The following CEP89 variants were observed in gnomAD, a reference collection of about 807,000 sequenced individuals.
CEP89 encodes centrosomal protein 89, also known as centrosomal protein of 89 kDa.
A neutral mutation model predicts 97.6 loss-of-function variants in CEP89; 95 were observed. The observed-to-expected ratio is 0.97, with a 90% confidence interval of 0.82 to 1.15. The LOEUF is 1.15. Among genes scored for constraint, CEP89 ranks in the 50% most tolerant of loss-of-function variants. CEP89 has a pLI of 0.00. For missense variants in CEP89, 869 were observed against 947.7 expected, an observed-to-expected ratio of 0.92 and a Z score of 1.09; for synonymous variants, 354 against 349.1, an observed-to-expected ratio of 1.01 and a Z score of -0.16.
chr19:32,915,572 A>T, intron 13 of CEP89, 55 bp from the exon 14 acceptor site: 14 of 1,448,110 alleles, frequency 9.7e-6, no homozygotes, highest in Non-Finnish European at 1.3e-5. Context: ...CACAAAACAC[A>T]ATTATGGGCT....
rs2145934331 is a variant in CEP89, at chr19:32,936,041, C to A, written c.667+1590G>T. Among the ~76,000 whole-genome samples, 1 of 152,262 alleles carries A rather than the reference C, an allele frequency of 6.6e-6. No homozygotes were observed. The highest frequency in any genetic ancestry group is 1.9e-4 in the East Asian group (1 of 5,172). ...AGCTCATGGGGTGCTGCTACAGTTGCCCTCCCATGTGTAGGACCTGGGTGT... is the reference window on the plus strand; with the variant it reads ...AGCTCATGGGGTGCTGCTACAGTTGACCTCCCATGTGTAGGACCTGGGTGT... On this transcript the variant is annotated intron_variant, in intron 7 of 18. Coordinates refer to ENST00000305768, the MANE Select transcript of CEP89 (RefSeq NM_032816.5). The surrounding 1 kb of genome is among the most constrained non-coding windows in gnomAD (Gnocchi z 4.5).
chr19:32,942,555 A>G (rs1332605084), intron 5 of CEP89, among the ~76,000 whole-genome samples: 1 of 152,228 alleles, frequency 6.6e-6, no homozygotes, highest in South Asian at 2.1e-4. Context: ...TATCTTAGTC[A>G]TGAACTTTTC....
chr19:32,971,801 A>G, intron 1 of CEP89, 35 bp downstream of exon 1: 10 of 1,578,708 alleles, frequency 6.3e-6, no homozygotes, highest in Non-Finnish European at 7.7e-6. Flanking sequence ...CCGGCCCCAC[A>G]GAGCCCCACG....
At chr19:32,964,629 C>A (rs911902433) in intron 2 of CEP89, among the ~76,000 whole-genome samples, 1 of 152,142 alleles carries the variant, frequency 6.6e-6, no homozygotes, top group Non-Finnish European at 1.5e-5. Context: ...TTTCGGAACA[C>A]GCGTTAATCA....
At chr19:32,948,472 G>A (rs1970844658) in intron 4 of CEP89, 104 bp from the exon 5 acceptor site, 1 of 629,174 alleles carries the variant, frequency 1.6e-6, no homozygotes, top group Non-Finnish European at 2.7e-6. Flanking sequence ...CTTCCCCACT[G>A]GGAGCTTCCT....
intron 16 of CEP89, among the ~76,000 whole-genome samples, chr19:32,892,353 G>A (rs1969547876): frequency 6.7e-6 from 1 of 150,238 alleles, no homozygotes; most frequent in African/African-American, 2.4e-5. Flanking sequence ...GCCCAGGCTG[G>A]AGTGCAGTGG....
At chr19:32,896,927 C>T (rs1969656211) in intron 16 of CEP89, among the ~76,000 whole-genome samples, 1 of 152,024 alleles carries the variant, frequency 6.6e-6, no homozygotes, top group African/African-American at 2.4e-5. Flanking sequence ...AAATGCTCAA[C>T]ACCACAAATC....
chr19:32,894,446 T>C lies in CEP89; in HGVS notation c.1875+5411A>G, dbSNP rs117868732. The stretch of plus-strand genomic sequence containing the variant: ...AAGAACAAAAATCCCTTAATCGTAA[T>C]GTAGCTTCCCCAATCTCCAGCCAAT... On this transcript the variant is annotated intron_variant, in intron 16 of 18. Transcript: ENST00000305768. Among the ~76,000 whole-genome samples, 14 of 152,256 alleles carry C rather than the reference T, an allele frequency of 9.2e-5. No homozygotes were observed. In the East Asian group the frequency reaches 2.7e-3, roughly 29 times the overall value.
chr19:32,921,179 G>A (rs570169106), intron 12 of CEP89, among the ~76,000 whole-genome samples: 7 of 151,028 alleles, frequency 4.6e-5, no homozygotes, highest in East Asian at 2.0e-4. Context: ...TCGAGATCGC[G>A]CCACTGCACT....
At chr19:32,955,752 G>T (rs1033109211) in intron 3 of CEP89, among the ~76,000 whole-genome samples, 2 of 152,120 alleles carry the variant, frequency 1.3e-5, no homozygotes, top group African/African-American at 2.4e-5. Context: ...GACCTCAAGT[G>T]ATACGCCCGC....
chr19:32,944,646 G>C (rs780709076), intron 5 of CEP89, among the ~76,000 whole-genome samples: 2 of 151,948 alleles, frequency 1.3e-5, no homozygotes, highest in Non-Finnish European at 1.5e-5. Context: ...CTGTTAAGGA[G>C]AAGAAGGAGG....
At chr19:32,933,733 A>C in intron 7 of CEP89, 64 bp from the exon 8 acceptor site, 1 of 1,115,206 alleles carries the variant, frequency 9.0e-7, no homozygotes, top group South Asian at 1.3e-5. Flanking sequence ...CATCAAAATC[A>C]ACTGACTTTG....
chr19:32,886,744 A>T (rs764536037), intron 17 of CEP89, among the ~76,000 whole-genome samples: 1 of 150,916 alleles, frequency 6.6e-6, no homozygotes, highest in Non-Finnish European at 1.5e-5. Flanking sequence ...AAAATTAGAA[A>T]AAAAGAAAGA....
rs147837636 is a variant in CEP89, at chr19:32,920,220, T to C, written c.1269-1881A>G. ...GCCCAGCTAATTTTTAATTGTTTTG[T>C]TTTTGTTTTTGTTTTTTTGAGACAA... On this transcript the variant is annotated intron_variant, in intron 12 of 18. Transcript: ENST00000305768. Among the ~76,000 whole-genome samples the C allele has an allele frequency of 2.7e-3, 416 of 151,986 alleles. 2 individuals carry two copies. The highest frequency in any genetic ancestry group is 9.7e-3 in the African/African-American group (402 of 41,486).
At chr19:32,913,281 T>G (rs1264607056) in intron 14 of CEP89, among the ~76,000 whole-genome samples, 1 of 123,954 alleles carries the variant, frequency 8.1e-6, no homozygotes, top group South Asian at 2.9e-4. Flanking sequence ...CATGAGAAAA[T>G]AGCCACCATA....
At chr19:32,902,704 A>G (rs995284836) in intron 14 of CEP89, among the ~76,000 whole-genome samples, 2 of 152,214 alleles carry the variant, frequency 1.3e-5, no homozygotes, top group African/African-American at 2.4e-5. Context: ...AGGAAGGTCA[A>G]GGCAGCTGGA....
intron 14 of CEP89, among the ~76,000 whole-genome samples, chr19:32,905,915 T>C (rs1466905599): frequency 6.6e-6 from 1 of 152,182 alleles, no homozygotes; most frequent in East Asian, 1.9e-4. Context: ...AGACAAGGTC[T>C]CCCTATGTTA....
At chr19:32,971,426 A>G (rs565211824) in intron 1 of CEP89, 742 of 447,646 alleles carry the variant, frequency 1.7e-3, no homozygotes, top group Non-Finnish European at 2.5e-3. Context: ...CGCCTGTGAT[A>G]CCAACACTTT....
chr19:32,943,483 G>C (rs1441800543), intron 5 of CEP89, among the ~76,000 whole-genome samples: 3 of 152,162 alleles, frequency 2.0e-5, no homozygotes, highest in African/African-American at 7.2e-5. Context: ...AGCATATAAG[G>C]ATGTAGTGGC....
Sources: allele counts gnomAD v4.1 joint callset (sites outside exome capture counted in the v4.1 genomes callset), GRCh38; gene constraint gnomAD v4.1.1; non-coding constraint Gnocchi (gnomAD v3.1); transcripts MANE v1.5; gene names NCBI Gene and HGNC (gene_info 2026-07-23, HGNC 2026-07-21).